The following RBFOX1 variants were observed in gnomAD, a reference collection of about 807,000 sequenced individuals.
RBFOX1 encodes RNA binding protein fox-1 homolog 1.
Under a neutral mutation model 57.7 loss-of-function variants are expected in RBFOX1, and 8 were observed. The observed-to-expected ratio is 0.14, with a 90% CI of 0.08 to 0.25. The LOEUF is 0.25. RBFOX1 is among the 10% of genes least tolerant of loss of function. The probability of loss-of-function intolerance (pLI) is 1.00; values close to 1 mark genes in which losing one functional copy is unlikely to be tolerated. For missense variants in RBFOX1, 611 were observed against 548.5 expected (o/e 1.11, Z -1.14); for synonymous variants, 326 against 222.4 (o/e 1.47, Z -4.15).
chr16:6,726,442 T>A lies in RBFOX1; in HGVS notation c.-16+71792T>A, dbSNP rs547021892. Among the ~76,000 whole-genome samples, 208 of 151,956 alleles carry A rather than the reference T, an allele frequency of 1.4e-3. 6 individuals carry two copies. The highest frequency in any genetic ancestry group is 0.011 in the South Asian group (55 of 4,806). On this transcript the variant is annotated intron_variant, in intron 3 of 15. Coordinates refer to ENST00000550418, the MANE Select transcript of RBFOX1 (RefSeq NM_018723.4). ...GCAAAGGAGATAAAATCACGACTTG[T>A]CTTAAGATCTGCTTTAGCTCTTCCC...
intron 4 of RBFOX1, among the ~76,000 whole-genome samples, chr16:7,515,478 T>TACACAC (rs144695101): frequency 6.8e-5 from 10 of 146,716 alleles, no homozygotes; most frequent in Admixed American, 2.0e-4. Context: ...CACACACACA[T>TACACAC]ACACACACAC....
intron 1 of RBFOX1, among the ~76,000 whole-genome samples, chr16:5,447,561 CT>C: frequency 6.6e-6 from 1 of 152,280 alleles, no homozygotes; most frequent in South Asian, 2.1e-4. Context: ...CCACGCCCCC[CT>C]AATTTTTGTA....
intron 3 of RBFOX1, among the ~76,000 whole-genome samples, chr16:6,980,938 G>T (rs7205792): frequency 6.7e-6 from 1 of 150,268 alleles, no homozygotes; most frequent in African/African-American, 2.5e-5. Context: ...AATTAATCGG[G>T]AGTCTGAGGC....
intron 2 of RBFOX1, among the ~76,000 whole-genome samples, chr16:6,417,819 C>A (rs1306290661): frequency 1.3e-5 from 2 of 150,538 alleles, no homozygotes; most frequent in African/African-American, 4.9e-5. Flanking sequence ...AGATATTAAT[C>A]CTAGTATCCG....
chr16:6,918,378 C>T (rs1028721717), intron 3 of RBFOX1, among the ~76,000 whole-genome samples: 1 of 151,920 alleles, frequency 6.6e-6, no homozygotes, highest in African/African-American at 2.4e-5. Context: ...GAATTTTTAA[C>T]AAGCTACCCG....
intron 3 of RBFOX1, among the ~76,000 whole-genome samples, chr16:7,003,426 C>T (rs1413488603): frequency 6.7e-6 from 1 of 150,232 alleles, no homozygotes; most frequent in Non-Finnish European, 1.5e-5. Flanking sequence ...CGCCACTGTA[C>T]TGCAGCCTGG....
intron 5 of RBFOX1, among the ~76,000 whole-genome samples, chr16:7,546,210 C>T (rs986984543): frequency 1.3e-5 from 2 of 151,882 alleles, no homozygotes; most frequent in African/African-American, 4.8e-5. Flanking sequence ...GCCAGTAATC[C>T]CAGGTACTTA....
Position 7,709,835 on chromosome 16 carries a change from T to C in RBFOX1, c.1071+704T>C, listed in dbSNP as rs891207686. The stretch of plus-strand genomic sequence containing the variant: ...TTCAAACTTCTATGCACTGAAACTC[T>C]TGAGTACAGTAAGACGTGCCCATCA... On this transcript the variant is annotated intron_variant, in intron 15 of 15. Coordinates refer to ENST00000550418, the MANE Select transcript of RBFOX1 (RefSeq NM_018723.4). 4.0e-6 allele frequency: 5 copies of C among 1,250,818 alleles called. No individual in the cohort carries two copies. The African/African-American group carries it at 4.7e-5, about 12-fold the overall frequency. The allele number at this position is 1,250,818 out of a possible 1,614,324, so 77.5% of individuals were successfully genotyped here.
Position 6,448,307 on chromosome 16 carries a change from G to T in RBFOX1, c.-64+131250G>T, listed in dbSNP as rs560309554. 1.8e-4 allele frequency among the ~76,000 whole-genome samples: 28 copies of T among 151,678 alleles called. 1 individual carries two copies. In the South Asian group the frequency reaches 5.0e-3, roughly 27 times the overall value. On this transcript the variant is annotated intron_variant, in intron 2 of 15. Transcript: ENST00000550418. ...CCCAAGTAGCTGGGATTACAGGTGT[G>T]TGCCACCACACCCAGCTAATTTTTT...
At chr16:6,899,836 G>A (rs57480851) in intron 3 of RBFOX1, among the ~76,000 whole-genome samples, 6 of 152,196 alleles carry the variant, frequency 3.9e-5, no homozygotes, top group Non-Finnish European at 7.3e-5. Context: ...GCAGGCAGGA[G>A]CATTTCGTTA....
At chr16:6,443,395 T>TC (rs75065314) in intron 2 of RBFOX1, among the ~76,000 whole-genome samples, 1 of 151,928 alleles carries the variant, frequency 6.6e-6, no homozygotes, top group South Asian at 2.1e-4. Flanking sequence ...CATTTTCCCA[T>TC]CCCCCCCATC....
exon 3 of RBFOX1, chr16:5,598,976 T>G: frequency 6.6e-7 from 1 of 1,521,150 alleles, no homozygotes; most frequent in African/African-American, 1.4e-5. Context: ...GTAGAAGCAT[T>G]TTGCTGAACA....
At chr16:5,278,021 G>T (rs182266179) in intron 1 of RBFOX1, among the ~76,000 whole-genome samples, 1 of 152,068 alleles carries the variant, frequency 6.6e-6, no homozygotes, top group African/African-American at 2.4e-5. Context: ...ATATATACCC[G>T]GGAGTGGGAT....
At chr16:6,895,448 G>GTGTGTATATA (rs869028735) in intron 3 of RBFOX1, among the ~76,000 whole-genome samples, 47 of 54,602 alleles carry the variant, frequency 8.6e-4, no homozygotes, top group Non-Finnish European at 9.4e-4. Context: ...GTGTGTGTGT[G>GTGTGTATATA]TATATATATA....
intron 3 of RBFOX1, among the ~76,000 whole-genome samples, chr16:6,902,875 A>G (rs979801706): frequency 6.6e-6 from 1 of 152,214 alleles, no homozygotes; most frequent in African/African-American, 2.4e-5. Context: ...GTTTCATCAG[A>G]CATTGACTAA....
intron 3 of RBFOX1, among the ~76,000 whole-genome samples, chr16:6,827,721 C>T (rs7185900): frequency 0.51 from 77,062 of 151,904 alleles, 20,771 homozygotes; most frequent in East Asian, 0.77. Flanking sequence ...GTTGTTTGCC[C>T]ATGCTGATCC....
intron 5 of RBFOX1, among the ~76,000 whole-genome samples, chr16:7,571,409 C>CA (rs1330188283): frequency 6.6e-6 from 1 of 152,154 alleles, no homozygotes; most frequent in African/African-American, 2.4e-5. Context: ...TGGTCGATAT[C>CA]AAAATCCAAT....
At chr16:7,332,723 T>C (rs1187409313) in intron 4 of RBFOX1, 1 of 1,261,466 alleles carries the variant, frequency 7.9e-7, no homozygotes, top group African/African-American at 1.5e-5. Context: ...TGGTTAGTCA[T>C]GTTAGGCAAG....
chr16:5,313,468 C>A (rs551803689), intron 1 of RBFOX1, among the ~76,000 whole-genome samples: 21 of 152,272 alleles, frequency 1.4e-4, no homozygotes, highest in Middle Eastern at 6.8e-3. Flanking sequence ...CTACATATGA[C>A]CTCCTTAATC....
Sources: gnomAD v4.1 joint callset for allele counts (sites outside exome capture counted in the v4.1 genomes callset) on GRCh38, gnomAD v4.1.1 for gene constraint, MANE v1.5 for transcripts, NCBI Gene and HGNC (gene_info 2026-07-23, HGNC 2026-07-21) for gene names.